The following SLC4A5 variants were observed in gnomAD, a reference collection of about 807,000 sequenced individuals.
SLC4A5 encodes the protein electrogenic sodium bicarbonate cotransporter 4.
A neutral mutation model predicts 120.4 loss-of-function variants in SLC4A5; 96 were observed. The ratio of observed to expected loss-of-function variants is 0.80; its 90% CI spans 0.68 to 0.94. SLC4A5 has a LOEUF of 0.94. Ranked by LOEUF, SLC4A5 falls within the 40% of genes least tolerant of loss-of-function variation. The pLI, the probability that SLC4A5 is intolerant of heterozygous loss-of-function variation, is 0.00. For missense variants in SLC4A5, 1,259 were observed against 1,459.5 expected (o/e 0.86, Z 2.24); for synonymous variants, 550 against 571.1 (o/e 0.96, Z 0.53).
intron 7 of SLC4A5, among the ~76,000 whole-genome samples, chr2:74,297,595 A>G (rs987355069): frequency 4.6e-5 from 7 of 152,200 alleles, no homozygotes; most frequent in African/African-American, 1.7e-4. Flanking sequence ...ACATTTCTAA[A>G]GCTGCTTCTA....
exon 23 of SLC4A5, chr2:74,233,435 G>T: frequency 6.2e-7 from 1 of 1,614,224 alleles, no homozygotes; most frequent in Non-Finnish European, 8.5e-7. Flanking sequence ...TGACAATGAC[G>T]GCAGTGATCT....
At chr2:74,252,514 C>G in intron 15 of SLC4A5, 126 bp from the exon 16 acceptor site, 1 of 1,085,316 alleles carries the variant, frequency 9.2e-7, no homozygotes, top group Non-Finnish European at 1.3e-6. Context: ...TATCCACACG[C>G]AGGTCACCTA....
intron 26 of SLC4A5, 75 bp downstream of exon 26, chr2:74,227,735 G>T: frequency 1.5e-6 from 2 of 1,360,670 alleles, no homozygotes; most frequent in East Asian, 5.0e-5. Context: ...AACTGAATTG[G>T]GGGTCTTGGT....
chr2:74,227,998 C>T, intron 25 of SLC4A5, 120 bp from the exon 26 acceptor site: 2 of 684,298 alleles, frequency 2.9e-6, no homozygotes, highest in Non-Finnish European at 2.4e-6. Flanking sequence ...TTTGGGGGAA[C>T]AGAGAGTCAG....
At chr2:74,245,305 T>A (rs1199452020) in intron 19 of SLC4A5, among the ~76,000 whole-genome samples, 1 of 151,984 alleles carries the variant, frequency 6.6e-6, no homozygotes, top group East Asian at 1.9e-4. Flanking sequence ...GGCGACAGAG[T>A]CAGACTCTGT....
At chr2:74,294,024 T>C (rs2104213640) in intron 7 of SLC4A5, among the ~76,000 whole-genome samples, 1 of 152,280 alleles carries the variant, frequency 6.6e-6, no homozygotes, top group South Asian at 2.1e-4. Flanking sequence ...CTCCGTGACC[T>C]TGGATAAGGG....
intron 12 of SLC4A5, among the ~76,000 whole-genome samples, chr2:74,256,166 T>G (rs893074746): frequency 2.0e-5 from 3 of 152,138 alleles, no homozygotes; most frequent in South Asian, 2.1e-4. Flanking sequence ...CGACTTTCCT[T>G]GACTAAGACA....
intron 4 of SLC4A5, among the ~76,000 whole-genome samples, chr2:74,328,786 T>C (rs1184511210): frequency 3.9e-5 from 6 of 152,204 alleles, no homozygotes; most frequent in Non-Finnish European, 7.3e-5. Flanking sequence ...TCTTATCACA[T>C]TGCAAGTACC....
chr2:74,221,352 G>T, intron 30 of SLC4A5, 82 bp downstream of exon 30: 1 of 1,063,532 alleles, frequency 9.4e-7, no homozygotes, highest in Non-Finnish European at 1.4e-6. Context: ...CAGCTAGCTT[G>T]GGAAATCCTA....
intron 9 of SLC4A5, 56 bp downstream of exon 9, chr2:74,265,048 G>C: frequency 6.4e-7 from 1 of 1,560,780 alleles, no homozygotes; most frequent in South Asian, 1.2e-5. Context: ...GGTCAGGGGA[G>C]CTGCCCTGGT....
At chr2:74,225,821 A>T (rs1342967479) in intron 27 of SLC4A5, among the ~76,000 whole-genome samples, 2 of 152,194 alleles carry the variant, frequency 1.3e-5, no homozygotes, top group South Asian at 4.1e-4. Context: ...AAAAAAATCA[A>T]TAGGTGGAGG....
chr2:74,290,480 G>C, intron 7 of SLC4A5: 6 of 985,458 alleles, frequency 6.1e-6, no homozygotes, highest in Non-Finnish European at 4.8e-6. Context: ...GGGAGGTGGA[G>C]AGAGAGGCTA....
At chr2:74,231,049 C>T (rs1317798247) in intron 25 of SLC4A5, among the ~76,000 whole-genome samples, 187 bp downstream of exon 25, 6 of 152,042 alleles carry the variant, frequency 3.9e-5, no homozygotes, top group Non-Finnish European at 7.4e-5. Flanking sequence ...TCAGGTGATC[C>T]GCCTGCCTCG....
exon 28 of SLC4A5, chr2:74,224,926 C>T: frequency 6.2e-7 from 1 of 1,614,024 alleles, no homozygotes; most frequent in Non-Finnish European, 8.5e-7. Flanking sequence ...AGGATGTTGT[C>T]AATCCAGGCC....
intron 22 of SLC4A5, among the ~76,000 whole-genome samples, chr2:74,234,508 G>A (rs1395266991): frequency 6.6e-6 from 1 of 152,180 alleles, no homozygotes; most frequent in East Asian, 1.9e-4. Context: ...GTAGGGCTGG[G>A]TTTAGCTACA....
At chr2:74,323,830 G>A (rs1423107373) in intron 5 of SLC4A5, among the ~76,000 whole-genome samples, 1 of 152,202 alleles carries the variant, frequency 6.6e-6, no homozygotes, top group Non-Finnish European at 1.5e-5. Context: ...TTGTAAGATA[G>A]TTAAATATTC....
exon 18 of SLC4A5, chr2:74,248,409 AATG>A (rs1670686284): frequency 6.2e-7 from 1 of 1,614,028 alleles, no homozygotes; most frequent in Admixed American, 1.7e-5. Context: ...TGCTGCTGAG[AATG>A]ATGAGAGGCT....
At chr2:74,258,149 T>C (rs1383597234) in intron 12 of SLC4A5, among the ~76,000 whole-genome samples, 1 of 152,238 alleles carries the variant, frequency 6.6e-6, no homozygotes, top group Admixed American at 6.5e-5. Flanking sequence ...TGTCTGAATC[T>C]ACTCTCTGTT....
chr2:74,284,162 CTTTT>C (rs1182761794), intron 8 of SLC4A5, among the ~76,000 whole-genome samples: 5 of 81,108 alleles, frequency 6.2e-5, no homozygotes, highest in Non-Finnish European at 1.0e-4. Context: ...TTCCTTATTT[CTTTT>C]TTTTTTTTTT....
Sources: allele counts gnomAD v4.1 joint callset (sites outside exome capture counted in the v4.1 genomes callset), GRCh38; gene constraint gnomAD v4.1.1; transcripts MANE v1.5; gene names NCBI Gene and HGNC (gene_info 2026-07-23, HGNC 2026-07-21).